The following IARS1 variants were observed in gnomAD, a reference collection of about 807,000 sequenced individuals.
IARS1 encodes the protein isoleucine--tRNA ligase, cytoplasmic.
Under a neutral mutation model 168.2 loss-of-function variants are expected in IARS1, and 124 were observed. The observed-to-expected ratio is 0.74, with a 90% CI of 0.64 to 0.86. The LOEUF is 0.86. Among genes scored for constraint, IARS1 ranks in the 40% least tolerant of loss-of-function variants. The probability of loss-of-function intolerance (pLI) is 0.00; values close to 1 mark genes in which losing one functional copy is unlikely to be tolerated. For synonymous variants in IARS1, 532 were observed against 529.4 expected (o/e 1.00, Z -0.07); for missense variants, 1,452 against 1,515.8 (o/e 0.96, Z 0.70).
chr9:92,214,524 T>C (rs1412685041), intron 33 of IARS1, among the ~76,000 whole-genome samples: 2 of 152,276 alleles, frequency 1.3e-5, no homozygotes, highest in Non-Finnish European at 1.5e-5. Context: ...TTCATCTCAC[T>C]AGGGAGTGCC....
chr9:92,218,985 C>A (rs1168199353), intron 33 of IARS1, among the ~76,000 whole-genome samples: 1 of 152,110 alleles, frequency 6.6e-6, no homozygotes, highest in Non-Finnish European at 1.5e-5. Flanking sequence ...GCCAAAAGAA[C>A]AAGGCTGGAG....
chr9:92,228,658 G>A (rs979004895), intron 31 of IARS1, among the ~76,000 whole-genome samples: 1 of 152,222 alleles, frequency 6.6e-6, no homozygotes, highest in Admixed American at 6.5e-5. Flanking sequence ...AGGGTGCAGT[G>A]AGCCATGACT....
At chr9:92,211,190 T>C (rs991918991) in intron 33 of IARS1, among the ~76,000 whole-genome samples, 1 of 152,168 alleles carries the variant, frequency 6.6e-6, no homozygotes, top group Non-Finnish European at 1.5e-5. Context: ...TTGGGTCACA[T>C]GGTATATCAG....
At chr9:92,257,198 C>G (rs1000819076) in intron 19 of IARS1, among the ~76,000 whole-genome samples, 1 of 152,208 alleles carries the variant, frequency 6.6e-6, no homozygotes, top group African/African-American at 2.4e-5. Context: ...GAAATAATTT[C>G]CATGCTAAGG....
intron 9 of IARS1, among the ~76,000 whole-genome samples, chr9:92,277,084 T>C (rs1463783253): frequency 6.6e-6 from 1 of 152,118 alleles, no homozygotes; most frequent in African/African-American, 2.4e-5. Flanking sequence ...CCTCAATAAA[T>C]ACCCTGGGTG....
At chr9:92,219,337 C>A (rs1839297653) in intron 33 of IARS1, among the ~76,000 whole-genome samples, 1 of 151,840 alleles carries the variant, frequency 6.6e-6, no homozygotes, top group Admixed American at 6.6e-5. Flanking sequence ...CTAGGCATTA[C>A]CATTCAGGAC....
chr9:92,252,354 T>C (rs1389939324), intron 21 of IARS1: 2 of 513,666 alleles, frequency 3.9e-6, no homozygotes, highest in South Asian at 1.4e-5. Context: ...AATTAATTTA[T>C]CCAGAGACAA....
chr9:92,252,154 T>C (rs1482887493), intron 21 of IARS1, among the ~76,000 whole-genome samples: 3 of 152,118 alleles, frequency 2.0e-5, no homozygotes, highest in Admixed American at 2.0e-4. Flanking sequence ...GACAGGGAAG[T>C]AGAGCCTAAC....
intron 11 of IARS1, 83 bp downstream of exon 11, chr9:92,271,450 G>A: frequency 6.5e-7 from 1 of 1,543,136 alleles, no homozygotes; most frequent in Non-Finnish European, 8.9e-7. Context: ...CAACTTCCTA[G>A]AAGAATTACA....
At chr9:92,292,555 G>T (rs1836537883) in intron 1 of IARS1, 1 of 155,540 alleles carries the variant, frequency 6.4e-6, no homozygotes, top group Admixed American at 6.5e-5. Context: ...ATCCACTGGA[G>T]AGCTGTCCAT....
chr9:92,237,514 G>C (rs1369279883), intron 30 of IARS1, among the ~76,000 whole-genome samples: 4 of 150,004 alleles, frequency 2.7e-5, no homozygotes, highest in Non-Finnish European at 6.0e-5. Flanking sequence ...TTTTGGCTGA[G>C]GTGTTCTAAC....
intron 13 of IARS1, among the ~76,000 whole-genome samples, chr9:92,269,193 T>C (rs189026318): frequency 6.6e-6 from 1 of 152,344 alleles, no homozygotes; most frequent in East Asian, 1.9e-4. Flanking sequence ...AGTTTATAAC[T>C]ATTTCCTTTG....
At chr9:92,256,552 A>G in intron 20 of IARS1, 128 bp downstream of exon 20, 1 of 982,870 alleles carries the variant, frequency 1.0e-6, no homozygotes, top group Non-Finnish European at 1.5e-6. Flanking sequence ...ACAAAACTAT[A>G]TGAGAGGTAA....
At chr9:92,284,244 A>G (rs1835089395) in intron 6 of IARS1, among the ~76,000 whole-genome samples, 1 of 152,238 alleles carries the variant, frequency 6.6e-6, no homozygotes, top group Admixed American at 6.5e-5. Flanking sequence ...GAATGCTAAC[A>G]TGGCAATGTT....
At chr9:92,216,970 A>AT (rs920127512) in intron 33 of IARS1, among the ~76,000 whole-genome samples, 11 of 151,174 alleles carry the variant, frequency 7.3e-5, no homozygotes. Flanking sequence ...CAGAATATAC[A>AT]TTTTTTTCAG....
At chr9:92,253,951 A>G in intron 20 of IARS1, 1 of 449,074 alleles carries the variant, frequency 2.2e-6, no homozygotes, top group Admixed American at 2.4e-5. Context: ...ACATTTGTCA[A>G]CGTTTGGAGA....
rs1341629468 is a variant in IARS1 at position 92,277,860 on chromosome 9, T to G, written c.894+3A>C. 1 of 1,613,188 alleles carries G rather than the reference T, an allele frequency of 6.2e-7. No homozygotes were observed. The highest frequency in any genetic ancestry group is 2.2e-5 in the East Asian group (1 of 44,854). On this transcript the variant is annotated splice_donor_region_variant and intron_variant, in intron 9 of 33. Transcript: ENST00000443024. Reference sequence around the variant, plus strand: ...CGCCCACAGTAGCGGTCCCTAAGCTTACCTTCAGGAAATAGTCAAACAGGG... The same window carrying G: ...CGCCCACAGTAGCGGTCCCTAAGCTGACCTTCAGGAAATAGTCAAACAGGG...
intron 28 of IARS1, 85 bp from the exon 29 acceptor site, chr9:92,242,415 A>G (rs2133612229): frequency 9.3e-7 from 1 of 1,076,514 alleles, no homozygotes; most frequent in Admixed American, 2.5e-5. Context: ...CAAGGGCTAC[A>G]GATCCCATGC....
chr9:92,271,181 CA>C, intron 11 of IARS1, 105 bp from the exon 12 acceptor site: 1 of 633,538 alleles, frequency 1.6e-6, no homozygotes, highest in South Asian at 2.8e-5. Context: ...GCACAAATAA[CA>C]AATATTATTT....
Sources: allele counts gnomAD v4.1 joint callset (sites outside exome capture counted in the v4.1 genomes callset), GRCh38; gene constraint gnomAD v4.1.1; transcripts MANE v1.5; gene names NCBI Gene and HGNC (gene_info 2026-07-23, HGNC 2026-07-21).